Variants in PDE4B observed in about 807,000 individuals in gnomAD.
The protein encoded by PDE4B is 3',5'-cyclic-AMP phosphodiesterase 4B.
In PDE4B, 20 loss-of-function variants were observed where a neutral mutation model predicts 82.2. The observed-to-expected ratio is 0.24, with a 90% CI of 0.17 to 0.35. PDE4B has a LOEUF of 0.35. PDE4B is among the 10% of genes least tolerant of loss of function. PDE4B has a pLI of 1.00. For missense variants in PDE4B, 655 were observed against 907.2 expected (o/e 0.72, Z 3.57); for synonymous variants, 320 against 318.9 (o/e 1.00, Z -0.04).
chr1:66,041,427 G>A (rs554971172), intron 3 of PDE4B, among the ~76,000 whole-genome samples: 20 of 151,958 alleles, frequency 1.3e-4, no homozygotes, highest in Non-Finnish European at 1.6e-4. Flanking sequence ...CAAGTTTTTC[G>A]TCATTACAAC....
At chr1:66,178,210 T>G (rs1251741128) in intron 3 of PDE4B, among the ~76,000 whole-genome samples, 1 of 152,116 alleles carries the variant, frequency 6.6e-6, no homozygotes, top group African/African-American at 2.4e-5. Context: ...ATATTGTTTT[T>G]AAAAACTACT....
intron 6 of PDE4B, among the ~76,000 whole-genome samples, chr1:66,264,908 T>G (rs1654926341): frequency 6.6e-6 from 1 of 152,220 alleles, no homozygotes; most frequent in African/African-American, 2.4e-5. Flanking sequence ...ATCTCGGATA[T>G]ACTGAAATAG....
intron 3 of PDE4B, among the ~76,000 whole-genome samples, chr1:66,025,427 A>G (rs968302300): frequency 6.6e-6 from 1 of 152,184 alleles, no homozygotes; most frequent in Non-Finnish European, 1.5e-5. Flanking sequence ...CCCAGTTGGA[A>G]TAACTCATAG....
chr1:65,918,373 A>T (rs566406959), intron 2 of PDE4B, among the ~76,000 whole-genome samples: 52 of 152,264 alleles, frequency 3.4e-4, no homozygotes, highest in African/African-American at 1.1e-3. Context: ...TATGCCTAAA[A>T]ATCTCCAGGA....
intron 6 of PDE4B, among the ~76,000 whole-genome samples, chr1:66,258,589 C>G (rs572296355): frequency 2.4e-4 from 36 of 152,178 alleles, no homozygotes; most frequent in African/African-American, 7.9e-4. Context: ...CTGGAGGAGG[C>G]CTTTGAGACC....
chr1:66,188,682 G>T (rs1034497658), intron 3 of PDE4B, among the ~76,000 whole-genome samples: 2 of 151,518 alleles, frequency 1.3e-5, no homozygotes, highest in Admixed American at 1.3e-4. Context: ...TTTTCCATTT[G>T]CTTGGTAGAT....
intron 1 of PDE4B, among the ~76,000 whole-genome samples, chr1:65,860,073 C>T (rs912250222): frequency 2.0e-5 from 3 of 152,162 alleles, no homozygotes; most frequent in African/African-American, 7.2e-5. Flanking sequence ...GATACATGTG[C>T]AGAACATGCA....
At position 66,090,621 on chromosome 1, in the gene PDE4B, A is replaced by ATATATATATATATATATGTGTG; in HGVS notation, c.282-156838_282-156837insATATATATATATATATGTGTGT. ...TTATATATATATATGTATATAATAT[A>ATATATATATATATATATGTGTG]TGTGTGTGTGTGTGTGTGTATGTAC... On this transcript the variant is annotated intron_variant, in intron 3 of 16. Transcript: ENST00000341517. Among the ~76,000 whole-genome samples the ATATATATATATATATATGTGTG allele has an allele frequency of 1.8e-4, 22 of 122,708 alleles. 1 individual carries two copies. The highest frequency in any genetic ancestry group is 8.2e-4 in the African/African-American group (20 of 24,356). The allele number at this position is 122,708 out of a possible 152,430, so 80.5% of individuals were successfully genotyped here.
intron 1 of PDE4B, among the ~76,000 whole-genome samples, chr1:65,835,401 A>G (rs1307884784): frequency 6.6e-6 from 1 of 152,192 alleles, no homozygotes; most frequent in Non-Finnish European, 1.5e-5. Context: ...ATTTGCAAGC[A>G]GGAGTCCTGA....
chr1:66,314,391 A>G (rs1007888345), intron 7 of PDE4B, among the ~76,000 whole-genome samples: 6 of 151,936 alleles, frequency 3.9e-5, no homozygotes, highest in African/African-American at 1.5e-4. Context: ...ATCTGGCTCC[A>G]CTGTTTTTTG....
intron 3 of PDE4B, among the ~76,000 whole-genome samples, chr1:66,038,141 G>A (rs1654165913): frequency 6.6e-6 from 1 of 151,964 alleles, no homozygotes; most frequent in African/African-American, 2.4e-5. Context: ...GTGTGCAGGG[G>A]GTAGGATTCA....
Position 66,336,095 on chromosome 1 carries a change from A to G in PDE4B, c.747+3475A>G, listed in dbSNP as rs117305178. Among the ~76,000 whole-genome samples the G allele has an allele frequency of 5.3e-5, 8 of 152,342 alleles. No homozygotes were observed. In the East Asian group the frequency reaches 7.7e-4, roughly 15 times the overall value. Reference sequence around the variant, plus strand: ...AGGGTCCCCAGCCCAACAACGGCATAAACAGTGACCTATCTTCCTGACCTT... The same window carrying G: ...AGGGTCCCCAGCCCAACAACGGCATGAACAGTGACCTATCTTCCTGACCTT... On this transcript the variant is annotated intron_variant, in intron 8 of 16. Coordinates refer to ENST00000341517, the MANE Select transcript of PDE4B (RefSeq NM_002600.4).
chr1:66,003,162 TC>T (rs1228109352), intron 3 of PDE4B, among the ~76,000 whole-genome samples: 12 of 152,100 alleles, frequency 7.9e-5, no homozygotes, highest in Non-Finnish European at 1.8e-4. Context: ...ATTTATAATA[TC>T]CACAGTGTGA....
At chr1:66,163,363 T>C (rs972571778) in intron 3 of PDE4B, among the ~76,000 whole-genome samples, 2 of 152,202 alleles carry the variant, frequency 1.3e-5, no homozygotes, top group African/African-American at 4.8e-5. Flanking sequence ...TCTCAGAAGA[T>C]TGTGATGGGG....
At chr1:65,897,696 G>A (rs765530479) in intron 1 of PDE4B, among the ~76,000 whole-genome samples, 2 of 151,248 alleles carry the variant, frequency 1.3e-5, no homozygotes, top group South Asian at 2.1e-4. Flanking sequence ...AGTATTCCAT[G>A]CTGTACATAT....
intron 3 of PDE4B, among the ~76,000 whole-genome samples, chr1:66,150,203 T>C (rs1013256198): frequency 1.3e-5 from 2 of 152,170 alleles, no homozygotes; most frequent in African/African-American, 2.4e-5. Context: ...TTTTTCAAGA[T>C]GGTGTTGGCT....
At chr1:66,209,340 A>T (rs1287157296) in intron 3 of PDE4B, among the ~76,000 whole-genome samples, 1 of 152,184 alleles carries the variant, frequency 6.6e-6, no homozygotes, top group East Asian at 1.9e-4. Context: ...TGTAAAAGGC[A>T]TGAGGATACC....
chr1:66,148,174 G>A (rs1185454067), intron 3 of PDE4B, among the ~76,000 whole-genome samples: 1 of 152,228 alleles, frequency 6.6e-6, no homozygotes, highest in Non-Finnish European at 1.5e-5. Flanking sequence ...GGAGGCTGAG[G>A]CACAAGAATT....
At chr1:66,350,849 C>T (rs1356205648) in intron 8 of PDE4B, among the ~76,000 whole-genome samples, 4 of 152,136 alleles carry the variant, frequency 2.6e-5, no homozygotes, top group African/African-American at 4.8e-5. Flanking sequence ...TCTCTGTATG[C>T]AGTGTTAAAA....
Sources: gnomAD v4.1 joint callset for allele counts (sites outside exome capture counted in the v4.1 genomes callset) on GRCh38, gnomAD v4.1.1 for gene constraint, MANE v1.5 for transcripts, NCBI Gene and HGNC (gene_info 2026-07-23, HGNC 2026-07-21) for gene names.